The following NUDT13 variants were observed in gnomAD, a reference collection of about 807,000 sequenced individuals.
The protein encoded by NUDT13 is NAD(P)H pyrophosphatase NUDT13, mitochondrial.
A neutral mutation model predicts 41.7 loss-of-function variants in NUDT13; 40 were observed. That is an observed-to-expected ratio of 0.96 (90% CI 0.75 to 1.25). The LOEUF is 1.25. NUDT13 is among the 50% of genes most tolerant of loss of function. The pLI is 0.00. For synonymous variants in NUDT13, 145 were observed against 155.5 expected (o/e 0.93, Z 0.50); for missense variants, 390 against 416.1 (o/e 0.94, Z 0.55).
chr10:73,113,428 G>C (rs1361788438), intron 1 of NUDT13, among the ~76,000 whole-genome samples: 5 of 152,090 alleles, frequency 3.3e-5, no homozygotes, highest in Admixed American at 3.3e-4. Flanking sequence ...ATTTTTTATA[G>C]TATATCACAC....
chr10:73,125,196 G>A lies in NUDT13; in HGVS notation c.544G>A (p.Gly182Ser). Residue 182 changes from glycine to serine, a missense_variant, in exon 6 of 9, where the codon GGC becomes AGC. Coordinates refer to ENST00000357321, the MANE Select transcript of NUDT13 (RefSeq NM_015901.6). ...SGQPTKKNVA[G>S]SKRVCPSNNI... ...GCAGCCCACCAAGAAGAACGTGGCT[G>A]GCAGCAAGCGTGTGTGCCCTTCCAA... The A allele has an allele frequency of 6.2e-7, 1 of 1,613,512 alleles. No individual in the cohort carries two copies. Among genetic ancestry groups the A allele is most frequent in the Non-Finnish European group, 8.5e-7 (1 of 1,179,882 alleles).
At chr10:73,114,997 A>G (rs1328703336) in intron 2 of NUDT13, 1 of 152,116 alleles carries the variant, frequency 6.6e-6, no homozygotes, top group Non-Finnish European at 1.5e-5. Context: ...ATAAAAACCC[A>G]AAAGGACAGG....
chr10:73,127,826 T>A (rs971856208), intron 8 of NUDT13, among the ~76,000 whole-genome samples: 22 of 152,058 alleles, frequency 1.4e-4, no homozygotes, highest in African/African-American at 5.3e-4. Context: ...TATTATTAAT[T>A]GTAGACCTTA....
In NUDT13 at chr10:73,120,076, G is replaced by A. The variant is rs1842606700; in HGVS notation, c.142G>A (p.Ala48Thr). 2 of 1,614,156 alleles carry A rather than the reference G, an allele frequency of 1.2e-6. No individual in the cohort carries two copies. Among genetic ancestry groups the A allele is most frequent in the East Asian group, 2.2e-5 (1 of 44,892 alleles). ...ATGTAAAAAAGCCCAGCAAACAGGA[G>A]CGTTTTACCTCTTTCATAGTCTGGC... ...DACKKAQQTG[A>T]FYLFHSLAPL... The change falls in exon 3 of 9, where the codon GCG becomes ACG. Residue 48 changes from alanine (A) to threonine (T), a missense_variant. Transcript: ENST00000357321.
rs5786099 is a variant in NUDT13, at chr10:73,114,339, C to CT, written c.-9-4dup. On this transcript the variant is annotated splice_polypyrimidine_tract_variant and intron_variant, in intron 1 of 8. Transcript: ENST00000357321. Reference sequence around the variant, plus strand: ...CATATTATGACTTTTTTTAAAACTCCTTTTTTTTTTTTTTAAGGACCTGAC... The same window carrying CT: ...CATATTATGACTTTTTTTAAAACTCCTTTTTTTTTTTTTTTAAGGACCTGAC... The CT allele has an allele frequency of 0.11, 114,362 of 1,055,344 alleles. No homozygotes were observed. The highest frequency in any genetic ancestry group is 0.12 in the Non-Finnish European group (92,220 of 753,462). 65.4% of individuals were successfully genotyped at this position (1,055,344 alleles called of 1,614,324 possible). A position where few individuals can be genotyped will look rare whatever the true frequency, so the allele number is the denominator to read the frequency against.
In NUDT13 at chr10:73,128,086, C is replaced by A. The variant is rs375508920; in HGVS notation, c.858+1259C>A. 3.9e-5 allele frequency among the ~76,000 whole-genome samples: 6 copies of A among 152,300 alleles called. No individual in the cohort carries two copies. The East Asian group carries it at 9.6e-4, about 24-fold the overall frequency. Reference sequence around the variant, plus strand: ...CACTTAGCATGTCCTTTGGGCCTATCTATCTTGTTGCAACTGCAGGATTTC... The same window carrying A: ...CACTTAGCATGTCCTTTGGGCCTATATATCTTGTTGCAACTGCAGGATTTC... On this transcript the variant is annotated intron_variant, in intron 8 of 8. Coordinates refer to ENST00000357321, the MANE Select transcript of NUDT13 (RefSeq NM_015901.6).
intron 8 of NUDT13, 144 bp from the exon 9 acceptor site, chr10:73,130,559 G>T: frequency 1.6e-6 from 1 of 631,796 alleles, no homozygotes; most frequent in Non-Finnish European, 2.8e-6. Context: ...GCAGTATCTA[G>T]AACTGACTTT....
rs547256097 is a variant in NUDT13 at position 73,125,258 on chromosome 10, A to G, written c.591+15A>G. The G allele has an allele frequency of 6.2e-7, 1 of 1,607,476 alleles. No individual in the cohort carries two copies. Among genetic ancestry groups the G allele is most frequent in the South Asian group, 1.1e-5 (1 of 90,628 alleles). ...ATTATCCACAGGTAATTATTGCTGT[A>G]AGAGGACAGTAATCCAAGAAGACTG... On this transcript the variant is annotated intron_variant, in intron 6 of 8. Transcript: ENST00000357321.
rs996930336 is a variant in NUDT13, at chr10:73,130,769, C to G, written c.925C>G (p.Leu309Val). The G allele has an allele frequency of 1.9e-6, 3 of 1,613,794 alleles. No individual in the cohort carries two copies. Among genetic ancestry groups the G allele is most frequent in the Non-Finnish European group, 1.7e-6 (2 of 1,179,950 alleles). The change falls in exon 9 of 9, where the codon CTG (leucine) becomes GTG (valine). Residue 309 changes from leucine (L) to valine (V), a missense_variant. Physicochemically the swap from Leu to Val is conservative, Grantham distance 32 (BLOSUM62 1). Transcript: ENST00000357321. ...WFSHDEVATA[L>V]KRKGPYTQQQ... ...CAGTCATGATGAGGTAGCCACAGCC[C>G]TGAAGAGAAAGGGCCCCTATACTCA...
At chr10:73,115,351 A>G (rs1842482680) in intron 2 of NUDT13, among the ~76,000 whole-genome samples, 1 of 151,762 alleles carries the variant, frequency 6.6e-6, no homozygotes, top group South Asian at 2.1e-4. Flanking sequence ...TAATTTTTAT[A>G]TTTTTGTGTA....
intron 8 of NUDT13, among the ~76,000 whole-genome samples, chr10:73,127,920 G>A (rs763822000): frequency 1.9e-4 from 29 of 151,798 alleles, no homozygotes; most frequent in South Asian, 1.0e-3. Context: ...TCAGCCCCTG[G>A]CATGCAACTT....
At chr10:73,126,884 C>G in intron 8 of NUDT13, 57 bp downstream of exon 8, 16 of 1,433,766 alleles carry the variant, frequency 1.1e-5, no homozygotes, top group Non-Finnish European at 1.6e-5. Context: ...CCAACCTGCT[C>G]ATCAGCAAGT....
chr10:73,124,387 A>G, intron 5 of NUDT13, 67 bp downstream of exon 5: 1 of 1,033,502 alleles, frequency 9.7e-7, no homozygotes, highest in Non-Finnish European at 1.5e-6. Flanking sequence ...ATCCATGTGT[A>G]CACACAAGGC....
Position 73,120,134 on chromosome 10 carries a change from T to C in NUDT13, c.200T>C (p.Leu67Pro). 1 of 1,614,192 alleles carries C rather than the reference T, an allele frequency of 6.2e-7. No homozygotes were observed. The highest frequency in any genetic ancestry group is 2.2e-5 in the East Asian group (1 of 44,886). The change falls in exon 3 of 9, where the codon CTG becomes CCG. Residue 67 changes from leucine to proline, a missense_variant. Coordinates refer to ENST00000357321, the MANE Select transcript of NUDT13 (RefSeq NM_015901.6). ...CTTCAGACTTCAGCACATCAATACC[T>C]GGCCCCCCGGCACAGCCTGTTAGGT... ...PLLQTSAHQY[L>P]APRHSLLELE...
chr10:73,122,377 AAAATTTAAAGGAAAATTTGGGG>A (rs1842665998), intron 4 of NUDT13, 68 bp downstream of exon 4: 3 of 1,454,672 alleles, frequency 2.1e-6, no homozygotes, highest in Non-Finnish European at 2.8e-6. Flanking sequence ...ACATAATGGT[AAAATTTAAAGGAAAATTTGGGG>A]AATACAAAAG....
intron 4 of NUDT13, 52 bp downstream of exon 4, chr10:73,122,361 G>T (rs778115718): frequency 6.6e-7 from 1 of 1,510,732 alleles, no homozygotes; most frequent in Admixed American, 2.2e-5. Flanking sequence ...CAGAATTTGG[G>T]ATTTCACATA....
intron 2 of NUDT13, among the ~76,000 whole-genome samples, chr10:73,118,300 A>G (rs551243606): frequency 2.0e-5 from 3 of 152,338 alleles, no homozygotes; most frequent in Admixed American, 6.5e-5. Context: ...AGTCAAGAGT[A>G]GGTTCTGAAA....
Position 73,130,796 on chromosome 10 carries a change from C to T in NUDT13, c.952C>T (p.Gln318Ter), listed in dbSNP as rs1435435211. ...ALKRKGPYTQ[Q>*]QNGTFPFWLP... ...GAAGAGAAAGGGCCCCTATACTCAG[C>T]AACAGAATGGGACTTTCCCATTCTG... Residue 318 changes from glutamine (Q) to a stop codon, truncating the protein, a stop_gained, in exon 9 of 9, where the codon CAA becomes TAA. Transcript: ENST00000357321. LOFTEE classifies it high-confidence loss of function. 2 of 1,613,736 alleles carry T rather than the reference C, an allele frequency of 1.2e-6. No homozygotes were observed. The highest frequency in any genetic ancestry group is 1.7e-6 in the Non-Finnish European group (2 of 1,179,892).
chr10:73,131,605 T>C lies in NUDT13; in HGVS notation c.*702T>C, dbSNP rs1488167968. On this transcript the variant is annotated 3_prime_UTR_variant, in exon 9 of 9. Coordinates refer to ENST00000357321, the MANE Select transcript of NUDT13 (RefSeq NM_015901.6). Reference sequence around the variant, plus strand: ...AGTTTGTGACCCAGGGAAAAGACTATTGCTTTGCCATGCCTGTTTTCCTAA... The same window carrying C: ...AGTTTGTGACCCAGGGAAAAGACTACTGCTTTGCCATGCCTGTTTTCCTAA... 6.6e-6 allele frequency: 1 copy of C among 152,278 alleles called. No individual in the cohort carries two copies. The highest frequency in any genetic ancestry group is 2.4e-5 in the African/African-American group (1 of 41,464). The allele number at this position is 152,278 out of a possible 1,614,324, so 9.4% of individuals were successfully genotyped here.
Sources: allele counts gnomAD v4.1 joint callset (sites outside exome capture counted in the v4.1 genomes callset), GRCh38; gene constraint gnomAD v4.1.1; transcripts MANE v1.5; gene names NCBI Gene and HGNC (gene_info 2026-07-23, HGNC 2026-07-21).